Variants in DEFB123 observed in about 807,000 individuals in gnomAD.
DEFB123 encodes defensin beta 123, also known as beta-defensin 123.
For missense variants in DEFB123, 71 were observed against 75.0 expected (o/e 0.95, Z 0.20); for synonymous variants, 22 against 28.3 (o/e 0.78, Z 0.71).
At chr20:31,449,994 C>A (rs1460008951) in intron 1 of DEFB123, 35 bp from the exon 2 acceptor site, 1 of 1,590,462 alleles carries the variant, frequency 6.3e-7, no homozygotes, top group Non-Finnish European at 8.5e-7. Flanking sequence ...CTTGTTAGGA[C>A]TGATACTGTC....
intron 1 of DEFB123, among the ~76,000 whole-genome samples, chr20:31,445,505 C>T (rs1484425608): frequency 1.3e-5 from 2 of 150,092 alleles, no homozygotes; most frequent in East Asian, 2.0e-4. Context: ...AGATAATGAT[C>T]TATTGTCCTA....
At chr20:31,449,894 T>A in intron 1 of DEFB123, 135 bp from the exon 2 acceptor site, 2 of 1,114,134 alleles carry the variant, frequency 1.8e-6, no homozygotes, top group Non-Finnish European at 2.5e-6. Flanking sequence ...AAAACAGTGA[T>A]AGATGAAAAG....
chr20:31,448,887 T>G (rs927580207), intron 1 of DEFB123, among the ~76,000 whole-genome samples: 2 of 149,250 alleles, frequency 1.3e-5, no homozygotes, highest in Non-Finnish European at 3.0e-5. Context: ...AATTTTTTTT[T>G]TTTTTTTTTT....
intron 1 of DEFB123, among the ~76,000 whole-genome samples, chr20:31,446,909 TG>T (rs1164145393): frequency 6.6e-6 from 1 of 150,840 alleles, no homozygotes; most frequent in Non-Finnish European, 1.5e-5. Flanking sequence ...ATCACGCCAC[TG>T]TGCTCCAGCC....
At chr20:31,449,930 C>G in intron 1 of DEFB123, 99 bp from the exon 2 acceptor site, 14 of 1,371,342 alleles carry the variant, frequency 1.0e-5, no homozygotes, top group South Asian at 1.6e-5. Flanking sequence ...AAACAAGGGA[C>G]CTTCTATCTC....
At chr20:31,445,569 T>C (rs1374905556) in intron 1 of DEFB123, among the ~76,000 whole-genome samples, 1 of 152,186 alleles carries the variant, frequency 6.6e-6, no homozygotes, top group East Asian at 1.9e-4. Flanking sequence ...GGATGGAGTC[T>C]AACTCTGTCG....
rs576797573 is a variant in DEFB123 at position 31,445,844 on chromosome 20, G to A, written c.59-4185G>A. On this transcript the variant is annotated intron_variant, in intron 1 of 1. Transcript: ENST00000376309. ...GCATGGGCCACCGCACCCGGCCGACGAAATAATTTTTGTATCATTAAAAAT... is the reference window on the plus strand; with the variant it reads ...GCATGGGCCACCGCACCCGGCCGACAAAATAATTTTTGTATCATTAAAAAT... Among the ~76,000 whole-genome samples, 19 of 152,258 alleles carry A rather than the reference G, an allele frequency of 1.2e-4. No homozygotes were observed. The South Asian group carries it at 1.9e-3, about 15-fold the overall frequency.
chr20:31,442,541 G>A (rs1979488347), intron 1 of DEFB123, among the ~76,000 whole-genome samples: 1 of 151,194 alleles, frequency 6.6e-6, no homozygotes, highest in Non-Finnish European at 1.5e-5. Context: ...AGTACAGTGA[G>A]CAGAATAGGC....
chr20:31,441,169 C>A (rs1075852), intron 1 of DEFB123, among the ~76,000 whole-genome samples: 65,794 of 152,076 alleles, frequency 0.43, 16,706 homozygotes, highest in East Asian at 0.73. Context: ...CCAGACTCTG[C>A]GCTGGAAGCT....
intron 1 of DEFB123, among the ~76,000 whole-genome samples, chr20:31,443,878 C>T (rs938357249): frequency 6.6e-6 from 1 of 152,192 alleles, no homozygotes; most frequent in African/African-American, 2.4e-5. Context: ...TTAGCTGGAC[C>T]CTCAGCCTTA....
chr20:31,442,567 G>A (rs1307276847), intron 1 of DEFB123, among the ~76,000 whole-genome samples: 1 of 148,864 alleles, frequency 6.7e-6, no homozygotes, highest in Non-Finnish European at 1.5e-5. Context: ...AGGAAATAGT[G>A]AACACCAGGG....
At chr20:31,442,740 C>G (rs542894673) in intron 1 of DEFB123, among the ~76,000 whole-genome samples, 5 of 151,736 alleles carry the variant, frequency 3.3e-5, no homozygotes, top group Admixed American at 1.3e-4. Flanking sequence ...TCCTAAGTAA[C>G]TGGGATTACA....
intron 1 of DEFB123, among the ~76,000 whole-genome samples, chr20:31,445,702 C>A (rs1476622950): frequency 2.0e-5 from 3 of 152,008 alleles, no homozygotes; most frequent in African/African-American, 7.3e-5. Context: ...ACCACGCCTG[C>A]CTAATTTTTG....
chr20:31,442,934 G>A (rs146462461), intron 1 of DEFB123, among the ~76,000 whole-genome samples: 14 of 152,156 alleles, frequency 9.2e-5, no homozygotes, highest in African/African-American at 3.4e-4. Context: ...GGTTGTTCAT[G>A]GAATGTCTCA....
At chr20:31,442,596 CTT>C (rs397865886) in intron 1 of DEFB123, among the ~76,000 whole-genome samples, 10 of 105,852 alleles carry the variant, frequency 9.4e-5, no homozygotes, top group Admixed American at 1.0e-4. Flanking sequence ...AGGTCATTTG[CTT>C]TTTTTTTTTT....
chr20:31,444,768 A>C (rs1049712617), intron 1 of DEFB123, among the ~76,000 whole-genome samples: 1 of 152,208 alleles, frequency 6.6e-6, no homozygotes, highest in Non-Finnish European at 1.5e-5. Flanking sequence ...ATAAGTGCAC[A>C]TCTTTGTAAC....
At chr20:31,448,679 A>G (rs1979653948) in intron 1 of DEFB123, among the ~76,000 whole-genome samples, 1 of 151,894 alleles carries the variant, frequency 6.6e-6, no homozygotes, top group Non-Finnish European at 1.5e-5. Context: ...TTAATGTTTC[A>G]TCTCAACTAT....
intron 1 of DEFB123, among the ~76,000 whole-genome samples, chr20:31,442,627 G>A (rs111338354): frequency 0.026 from 3,785 of 147,056 alleles, 184 homozygotes; most frequent in African/African-American, 0.09. Flanking sequence ...TGGAGACAGG[G>A]TCTTGCTCTG....
chr20:31,442,490 A>C (rs192060431), intron 1 of DEFB123, among the ~76,000 whole-genome samples: 108 of 152,252 alleles, frequency 7.1e-4, no homozygotes, highest in African/African-American at 2.5e-3. Flanking sequence ...GGACCCAAAG[A>C]ATTTGAAAAA....
Sources: allele counts gnomAD v4.1 joint callset (sites outside exome capture counted in the v4.1 genomes callset), GRCh38; gene constraint gnomAD v4.1.1; transcripts MANE v1.5; gene names NCBI Gene and HGNC (gene_info 2026-07-23, HGNC 2026-07-21).